KAT6B: variants seen among roughly 807,000 people sequenced by gnomAD.
KAT6B encodes lysine acetyltransferase 6B.
KAT6B carries 10 observed loss-of-function variants against 187.5 expected under a neutral mutation model. That is an observed-to-expected ratio of 0.05 (90% CI 0.03 to 0.09). The LOEUF (loss-of-function observed/expected upper bound fraction) is 0.09, where lower values mean the gene tolerates loss of function less well. Ranked by LOEUF, KAT6B falls within the 10% of genes least tolerant of loss-of-function variation. KAT6B has a pLI of 1.00. For synonymous variants in KAT6B, 861 were observed against 926.8 expected, an observed-to-expected ratio of 0.93 and a Z score of 1.29; for missense variants, 1,952 against 2,558.9, an observed-to-expected ratio of 0.76 and a Z score of 5.12.
At position 74,979,254 on chromosome 10, in the gene KAT6B, T is replaced by C. The variant is rs1842358521; in HGVS notation, c.2146T>C (p.Cys716Arg). Residue 716 changes from cysteine (C) to arginine (R), a missense_variant, in exon 10 of 18, where the codon TGT becomes CGT. Transcript: ENST00000287239. ...AGAGTGTGAGAGTGGGGTGGAAGACTGTGGCCGGTACCCTTCTGTGATTGA... is the reference window on the plus strand; with the variant it reads ...AGAGTGTGAGAGTGGGGTGGAAGACCGTGGCCGGTACCCTTCTGTGATTGA... ...KIECESGVEDCGRYPSVIEFG... is the reference protein window; with the variant it reads ...KIECESGVEDRGRYPSVIEFG... 6.2e-7 allele frequency: 1 copy of C among 1,613,776 alleles called. No homozygotes were observed. The highest frequency in any genetic ancestry group is 1.6e-4 in the Middle Eastern group (1 of 6,062).
Position 75,006,313 on chromosome 10 carries a change from T to C in KAT6B, c.2630-14269T>C, listed in dbSNP as rs112557651. Among the ~76,000 whole-genome samples, 62 of 152,312 alleles carry C rather than the reference T, an allele frequency of 4.1e-4. 2 individuals are homozygous for C. The highest frequency in any genetic ancestry group is 1.4e-3 in the African/African-American group (57 of 41,568). The stretch of plus-strand genomic sequence containing the variant: ...AATGATACTAAAAAACAAACTGATT[T>C]AGAGGATAATAGGAACCAGTTTATT... On this transcript the variant is annotated intron_variant, in intron 13 of 17. Transcript: ENST00000287239.
chr10:74,883,169 C>T (rs1472126791), intron 3 of KAT6B, among the ~76,000 whole-genome samples: 3 of 152,132 alleles, frequency 2.0e-5, no homozygotes, highest in African/African-American at 7.2e-5. Context: ...TTTGTTCTTC[C>T]CTTACCTTGA....
intron 3 of KAT6B, among the ~76,000 whole-genome samples, chr10:74,958,418 G>A (rs956657256): frequency 5.3e-5 from 8 of 152,176 alleles, no homozygotes; most frequent in African/African-American, 1.9e-4. Context: ...TATGTTGGGT[G>A]TTCTTGCTCT....
intron 4 of KAT6B, 31 bp from the exon 5 acceptor site, chr10:74,969,629 C>T (rs1391016507): frequency 1.5e-6 from 2 of 1,311,208 alleles, no homozygotes; most frequent in Admixed American, 1.7e-5. Context: ...GGCACCATTC[C>T]CATCAAGCAA....
chr10:74,917,111 C>T lies in KAT6B; in HGVS notation c.622-42859C>T, dbSNP rs529401830. Among the ~76,000 whole-genome samples the T allele has an allele frequency of 3.3e-5, 5 of 152,258 alleles. No homozygotes were observed. In the South Asian group the frequency reaches 1.0e-3, roughly 32 times the overall value. Reference sequence around the variant, plus strand: ...CAGGCCGAGACCCTGTCTCAAAAAACCTGAACACTTCTTTGTTATGTTTCT... The same window carrying T: ...CAGGCCGAGACCCTGTCTCAAAAAATCTGAACACTTCTTTGTTATGTTTCT... On this transcript the variant is annotated intron_variant, in intron 3 of 17. Coordinates refer to ENST00000287239, the MANE Select transcript of KAT6B (RefSeq NM_012330.4).
chr10:75,021,698 A>G (rs940753793), intron 15 of KAT6B, among the ~76,000 whole-genome samples, 183 bp from the exon 16 acceptor site: 25 of 152,152 alleles, frequency 1.6e-4, no homozygotes, highest in African/African-American at 5.6e-4. Flanking sequence ...ATGAAACCCA[A>G]TCTTCTTTGA....
chr10:74,924,642 A>G (rs1848362466), intron 3 of KAT6B, among the ~76,000 whole-genome samples: 1 of 152,242 alleles, frequency 6.6e-6, no homozygotes, highest in Non-Finnish European at 1.5e-5. Context: ...TTGGGTTGTA[A>G]AAATGTAAAG....
At chr10:74,998,728 G>A (rs974534253) in intron 13 of KAT6B, among the ~76,000 whole-genome samples, 1 of 152,176 alleles carries the variant, frequency 6.6e-6, no homozygotes, top group African/African-American at 2.4e-5. Flanking sequence ...AGGCCAGCCT[G>A]GGCAACATAG....
intron 13 of KAT6B, among the ~76,000 whole-genome samples, chr10:75,016,458 C>T (rs1281074079): frequency 6.6e-6 from 1 of 152,178 alleles, no homozygotes; most frequent in Non-Finnish European, 1.5e-5. Context: ...TCACCTTCCC[C>T]AGGATAAGTA....
chr10:74,863,576 G>A (rs542767556), intron 3 of KAT6B, among the ~76,000 whole-genome samples: 3 of 152,182 alleles, frequency 2.0e-5, no homozygotes, highest in Non-Finnish European at 4.4e-5. Context: ...ATACTTATGG[G>A]CAGAGTATAA....
In KAT6B at chr10:75,021,210, A is replaced by G. The variant is rs745559779; in HGVS notation, c.2946A>G (p.Pro982=). 1 of 1,614,186 alleles carries G rather than the reference A, an allele frequency of 6.2e-7. No homozygotes were observed. The highest frequency in any genetic ancestry group is 1.1e-5 in the South Asian group (1 of 91,086). The part of the protein sequence containing the change: ...KTCSRANELD[P]DSLRWTPILI... The stretch of plus-strand genomic sequence containing the variant: ...GTTCCAGAGCCAATGAACTTGATCC[A>G]GACAGTCTGAGGTGGACCCCAATTT... Residue 982 remains proline, a synonymous_variant, in exon 15 of 18, where the codon CCA becomes CCG. Coordinates refer to ENST00000287239, the MANE Select transcript of KAT6B (RefSeq NM_012330.4).
At position 75,028,671 on chromosome 10, in the gene KAT6B, C is replaced by A. The variant is rs371747862; in HGVS notation, c.3847C>A (p.Pro1283Thr). Reference protein sequence around the residue: ...LYTPPETPMEPDEQVTVEEQK... With the variant: ...LYTPPETPMETDEQVTVEEQK... The stretch of plus-strand genomic sequence containing the variant: ...CACCCCGCCAGAAACACCCATGGAG[C>A]CTGACGAGCAGGTAACAGTGGAAGA... The change falls in exon 18 of 18, where the codon CCT becomes ACT. Residue 1283 changes from proline (P) to threonine (T), a missense_variant. Around this residue, in one of 9 missense-constraint regions of KAT6B, gnomAD observed 758 missense variants for 891.4 expected, o/e 0.85. Coordinates refer to ENST00000287239, the MANE Select transcript of KAT6B (RefSeq NM_012330.4). The A allele has an allele frequency of 2.5e-6, 4 of 1,614,038 alleles. No individual in the cohort carries two copies. The East Asian group carries it at 8.9e-5, about 36-fold the overall frequency.
chr10:74,945,327 G>A (rs891843577), intron 3 of KAT6B, among the ~76,000 whole-genome samples: 1 of 152,254 alleles, frequency 6.6e-6, no homozygotes, highest in South Asian at 2.1e-4. Context: ...CTAATCTGTC[G>A]TGACAGAAAG....
intron 10 of KAT6B, among the ~76,000 whole-genome samples, chr10:74,980,531 A>G (rs1287608804): frequency 6.6e-6 from 1 of 152,216 alleles, no homozygotes; most frequent in Non-Finnish European, 1.5e-5. Context: ...AACAATTTTA[A>G]AAGACTATGA....
chr10:75,026,362 G>T (rs1845836950), intron 17 of KAT6B, among the ~76,000 whole-genome samples: 1 of 152,090 alleles, frequency 6.6e-6, no homozygotes, highest in African/African-American at 2.4e-5. Context: ...GCTCCCAGCT[G>T]AATCATGAGG....
intron 2 of KAT6B, among the ~76,000 whole-genome samples, chr10:74,839,346 T>G (rs976084575): frequency 2.6e-5 from 4 of 151,684 alleles, no homozygotes; most frequent in Non-Finnish European, 4.4e-5. Flanking sequence ...TTCTCCTGCC[T>G]TAGCCTCCTG....
intron 10 of KAT6B, 35 bp from the exon 11 acceptor site, chr10:74,981,752 A>G (rs1176786581): frequency 8.7e-6 from 12 of 1,386,036 alleles, no homozygotes; most frequent in Middle Eastern, 2.4e-4. Flanking sequence ...AGTATAATCT[A>G]TCTGATAGAT....
chr10:75,015,506 A>C (rs1844918361), intron 13 of KAT6B, among the ~76,000 whole-genome samples: 1 of 152,174 alleles, frequency 6.6e-6, no homozygotes, highest in Non-Finnish European at 1.5e-5. Flanking sequence ...AACTGATAAC[A>C]TGCCATTCAT....
intron 8 of KAT6B, chr10:74,976,611 TG>T: frequency 2.0e-6 from 1 of 488,474 alleles, no homozygotes; most frequent in Non-Finnish European, 3.7e-6. Context: ...GCATTGCTTA[TG>T]GCTTTGTAGT....
Sources: allele counts gnomAD v4.1 joint callset (sites outside exome capture counted in the v4.1 genomes callset), GRCh38; gene constraint gnomAD v4.1.1; regional missense constraint gnomAD v4.1.1; transcripts MANE v1.5; gene names NCBI Gene and HGNC (gene_info 2026-07-23, HGNC 2026-07-21).